The following DOCK3 variants were observed in gnomAD, a reference collection of about 807,000 sequenced individuals.
DOCK3 encodes dedicator of cytokinesis protein 3.
A neutral mutation model predicts 265.6 loss-of-function variants in DOCK3; 60 were observed. The ratio of observed to expected loss-of-function variants is 0.23; its 90% CI spans 0.18 to 0.28. DOCK3 has a LOEUF of 0.28. DOCK3 is among the 10% of genes least tolerant of loss of function. The pLI is 1.00. For missense variants in DOCK3, 1,981 were observed against 2,594.3 expected (o/e 0.76, Z 5.14); for synonymous variants, 881 against 938.0 (o/e 0.94, Z 1.11).
At chr3:51,379,936 G>C (rs1282906173) in intron 51 of DOCK3, among the ~76,000 whole-genome samples, 189 bp from the exon 52 acceptor site, 1 of 152,236 alleles carries the variant, frequency 6.6e-6, no homozygotes, top group African/African-American at 2.4e-5. Context: ...TGTGGAGTGA[G>C]TTTCTTTTAC....
chr3:50,985,389 A>G (rs1164889222), intron 5 of DOCK3, among the ~76,000 whole-genome samples: 1 of 152,170 alleles, frequency 6.6e-6, no homozygotes, highest in African/African-American at 2.4e-5. Flanking sequence ...TTAAATGCCT[A>G]TGGATATGTC....
chr3:50,752,776 AAAAC>A (rs71631074), intron 1 of DOCK3, among the ~76,000 whole-genome samples: 14,298 of 152,124 alleles, frequency 0.094, 824 homozygotes, highest in Non-Finnish European at 0.12. Context: ...AGACTGTCTC[AAAAC>A]AAACAAACAA....
intron 3 of DOCK3, 28 bp downstream of exon 3, chr3:50,841,743 C>CTTTTTCTTTTTTTTTTTT (rs558397679): frequency 4.1e-6 from 2 of 483,402 alleles, no homozygotes; most frequent in Non-Finnish European, 3.4e-6. Flanking sequence ...GTTACCTTTT[C>CTTTTTCTTTTTTTTTTTT]TAATGTAGGA....
intron 27 of DOCK3, among the ~76,000 whole-genome samples, chr3:51,284,350 C>T (rs927971164): frequency 6.6e-6 from 1 of 152,222 alleles, no homozygotes; most frequent in East Asian, 1.9e-4. Context: ...CCCTGTTTCT[C>T]CCTGGAAGGG....
At chr3:50,900,047 C>G (rs540827148) in intron 4 of DOCK3, among the ~76,000 whole-genome samples, 1 of 152,264 alleles carries the variant, frequency 6.6e-6, no homozygotes, top group African/African-American at 2.4e-5. Flanking sequence ...AAAAGTTCTC[C>G]TGGATAATAT....
intron 4 of DOCK3, among the ~76,000 whole-genome samples, chr3:50,894,757 T>G (rs1253724416): frequency 1.3e-5 from 2 of 152,136 alleles, no homozygotes; most frequent in African/African-American, 4.8e-5. Context: ...TTTTGATTTT[T>G]TTTTACAGCA....
intron 4 of DOCK3, among the ~76,000 whole-genome samples, chr3:50,896,200 C>T (rs1013837801): frequency 5.9e-5 from 9 of 151,880 alleles, no homozygotes; most frequent in African/African-American, 1.9e-4. Context: ...TTCTAACTGG[C>T]GTGAGATGGT....
At chr3:51,305,742 G>A (rs1364882363) in intron 27 of DOCK3, among the ~76,000 whole-genome samples, 1 of 149,208 alleles carries the variant, frequency 6.7e-6, no homozygotes, top group East Asian at 2.0e-4. Flanking sequence ...GCGCGTGTGT[G>A]TGTGTGTGTG....
chr3:51,080,715 T>A (rs909476500), intron 7 of DOCK3, among the ~76,000 whole-genome samples: 30 of 152,232 alleles, frequency 2.0e-4, no homozygotes, highest in Non-Finnish European at 2.9e-4. Context: ...TAGTTCTAAT[T>A]GAAAATTTAT....
At chr3:50,900,651 G>T (rs537997557) in intron 4 of DOCK3, 1 of 446,174 alleles carries the variant, frequency 2.2e-6, no homozygotes, top group Non-Finnish European at 4.5e-6. Context: ...ACCTTCAGAT[G>T]GGGTTTCTGT....
intron 9 of DOCK3, among the ~76,000 whole-genome samples, chr3:51,142,761 T>A (rs1052667421): frequency 2.0e-5 from 3 of 152,228 alleles, no homozygotes; most frequent in Admixed American, 6.5e-5. Flanking sequence ...CTGGGTCATT[T>A]AGTATGTATA....
At chr3:51,063,521 T>C (rs2081492969) in intron 5 of DOCK3, among the ~76,000 whole-genome samples, 1 of 152,242 alleles carries the variant, frequency 6.6e-6, no homozygotes, top group African/African-American at 2.4e-5. Flanking sequence ...GAGCTTATTT[T>C]GGCAAACATC....
chr3:51,093,914 T>G (rs776936488), intron 9 of DOCK3, among the ~76,000 whole-genome samples: 14 of 152,212 alleles, frequency 9.2e-5, no homozygotes, highest in Non-Finnish European at 1.9e-4. Flanking sequence ...TTTCTGCATC[T>G]ATTGAGATAA....
In DOCK3 at chr3:50,818,433, A is replaced by G. The variant is rs191771240; in HGVS notation, c.122-23242A>G. Among the ~76,000 whole-genome samples the G allele has an allele frequency of 2.9e-4, 44 of 152,346 alleles. 1 individual carries two copies. The highest frequency in any genetic ancestry group is 2.6e-3 in the Admixed American group (40 of 15,308). On this transcript the variant is annotated intron_variant, in intron 2 of 52. Coordinates refer to ENST00000266037, the MANE Select transcript of DOCK3 (RefSeq NM_004947.5). ...TTTTAAGTGCTTCTTGTTTGCTGTC[A>G]TCTAAATTATTTTGCCCTAGGCAGA...
chr3:50,833,154 A>G (rs1413073494), intron 2 of DOCK3, among the ~76,000 whole-genome samples: 1 of 152,094 alleles, frequency 6.6e-6, no homozygotes, highest in Non-Finnish European at 1.5e-5. Flanking sequence ...GTTTTGCATT[A>G]CTCATCCCTC....
At chr3:51,151,136 CT>C (rs1291129126) in intron 10 of DOCK3, among the ~76,000 whole-genome samples, 131 of 143,850 alleles carry the variant, frequency 9.1e-4, no homozygotes, top group Admixed American at 7.0e-4. Flanking sequence ...GCAACCCCTG[CT>C]TTTTTTTTTT....
rs782354834 is a variant in DOCK3 at position 51,381,428 on chromosome 3, G to A, written c.5962G>A (p.Asp1988Asn). The A allele has an allele frequency of 8.1e-6, 13 of 1,611,238 alleles. 1 individual carries two copies. In the Middle Eastern group the frequency reaches 5.0e-4, roughly 61 times the overall value. Residue 1988 changes from aspartate (D) to asparagine (N), a missense_variant, in exon 53 of 53, where the codon GAT becomes AAT. Around this residue, in one of 4 missense-constraint regions of DOCK3, gnomAD observed 149 missense variants for 144.7 expected, o/e 1.03. Coordinates refer to ENST00000266037, the MANE Select transcript of DOCK3 (RefSeq NM_004947.5). This position sits in a 1 kb window ranked among gnomAD's most constrained non-coding sequence, Gnocchi z 5.6. ...CCCCCGCCTGCCGGCCCTGGAGCAC[G>A]ATGAGGGGGTGCTGCTGCGTGAAGA... ...YHPRLPALEH[D>N]EGVLLREETE...
At chr3:50,705,032 A>ATT (rs34158054) in intron 1 of DOCK3, among the ~76,000 whole-genome samples, 68,968 of 136,574 alleles carry the variant, frequency 0.5, 18,981 homozygotes, top group Non-Finnish European at 0.62. Context: ...TTGTTTTCTG[A>ATT]TTTTTTTTTT....
At chr3:50,895,202 C>G (rs1021937262) in intron 4 of DOCK3, among the ~76,000 whole-genome samples, 1 of 146,382 alleles carries the variant, frequency 6.8e-6, no homozygotes, top group Non-Finnish European at 1.5e-5. Context: ...ATTTTATCCC[C>G]GCTTTTTTTT....
Sources: allele counts gnomAD v4.1 joint callset (sites outside exome capture counted in the v4.1 genomes callset), GRCh38; gene constraint gnomAD v4.1.1; regional missense constraint gnomAD v4.1.1; non-coding constraint Gnocchi (gnomAD v3.1); transcripts MANE v1.5; gene names NCBI Gene and HGNC (gene_info 2026-07-23, HGNC 2026-07-21).